CASK: variants seen among roughly 807,000 people sequenced by gnomAD.
CASK encodes the protein peripheral plasma membrane protein CASK.
A neutral mutation model predicts 82.9 loss-of-function variants in CASK; 4 were observed. The ratio of observed to expected loss-of-function variants is 0.05; its 90% confidence interval spans 0.02 to 0.11. The LOEUF is 0.11. CASK is among the 10% of genes least tolerant of loss of function. The pLI, the probability that CASK is intolerant of heterozygous loss-of-function variation, is 1.00. For synonymous variants in CASK, 259 were observed against 253.5 expected (o/e 1.02, Z -0.20); for missense variants, 358 against 720.9 (o/e 0.50, Z 5.76).
At chrX:41,598,443 C>T (rs774725353) in intron 12 of CASK, among the ~76,000 whole-genome samples, 1 of 111,417 alleles carries the variant, frequency 9.0e-6, no homozygotes, top group South Asian at 3.8e-4. Context: ...CCTCCGCCTC[C>T]TGGGTTCAAG....
At chrX:41,866,404 A>T in intron 1 of CASK, among the ~76,000 whole-genome samples, 1 of 112,275 alleles carries the variant, frequency 8.9e-6, no homozygotes, top group East Asian at 2.8e-4. Context: ...CCAGTCTAGG[A>T]GAAAATGGGA....
At chrX:41,668,849 T>G (rs1006680448) in intron 6 of CASK, among the ~76,000 whole-genome samples, 5 of 110,158 alleles carry the variant, frequency 4.5e-5, no homozygotes, top group Non-Finnish European at 7.6e-5. Flanking sequence ...CAAGCGATCC[T>G]CCCATGTAGC....
chrX:41,563,275 T>C (rs2065257575), intron 16 of CASK, among the ~76,000 whole-genome samples: 1 of 100,239 alleles, frequency 1.0e-5, no homozygotes, highest in Non-Finnish European at 2.0e-5. Context: ...GAGGATTACT[T>C]GAGCCCAGGA....
chrX:41,842,425 T>C (rs755251461), intron 2 of CASK, among the ~76,000 whole-genome samples: 3 of 109,277 alleles, frequency 2.7e-5, no homozygotes, highest in Non-Finnish European at 3.8e-5. Context: ...ACAAAAAAAA[T>C]AGCCAGGTGT....
chrX:41,517,683 A>G lies in CASK; in HGVS notation c.*2737T>C, dbSNP rs974272324. The G allele has an allele frequency of 2.1e-6, 1 of 486,773 alleles. No homozygotes were observed. Among genetic ancestry groups the G allele is most frequent in the Non-Finnish European group, 3.5e-6 (1 of 285,056 alleles). 40.1% of individuals were successfully genotyped at this position (486,773 alleles called of 1,213,427 possible). ...TGGTCTTTAAAAGAAAGAAAGAAAA[A>G]AAAAGGTTCTGCTGATGGAATGGAA... On this transcript the variant is annotated 3_prime_UTR_variant, in exon 27 of 27. Coordinates refer to ENST00000378163, the MANE Select transcript of CASK (RefSeq NM_001367721.1).
At chrX:41,605,362 C>T (rs982017529) in intron 12 of CASK, among the ~76,000 whole-genome samples, 2 of 109,204 alleles carry the variant, frequency 1.8e-5, no homozygotes, top group African/African-American at 6.7e-5. Flanking sequence ...TTTGGGAGGC[C>T]GAGGCAGGAG....
At chrX:41,859,127 A>G (rs2071426829) in intron 1 of CASK, among the ~76,000 whole-genome samples, 1 of 111,812 alleles carries the variant, frequency 8.9e-6, no homozygotes, top group Non-Finnish European at 1.9e-5. Context: ...AAACGCAATG[A>G]AATTTCTGTC....
rs10442528 is a variant in CASK, at chrX:41,547,208, A to G, written c.2040-4402T>C. On this transcript the variant is annotated intron_variant, in intron 21 of 26. Coordinates refer to ENST00000378163, the MANE Select transcript of CASK (RefSeq NM_001367721.1). ...CTCGTCCTCCCAAAGTGCTGGGATT[A>G]CAAGTGTGAGCCACTGCGCCTGGCT... 1.2e-3 allele frequency among the ~76,000 whole-genome samples: 134 copies of G among 112,421 alleles called. 1 individual carries two copies. The highest frequency in any genetic ancestry group is 4.0e-3 in the African/African-American group (125 of 30,988).
intron 14 of CASK, 133 bp from the exon 15 acceptor site, chrX:41,578,661 T>A (rs1288415327): frequency 6.3e-6 from 3 of 473,984 alleles, no homozygotes; most frequent in Non-Finnish European, 1.1e-5. Flanking sequence ...AGATCTCAGC[T>A]CACTGCAGGC....
chrX:41,802,365 G>A (rs969821188), intron 2 of CASK, among the ~76,000 whole-genome samples: 2 of 111,235 alleles, frequency 1.8e-5, no homozygotes, highest in Admixed American at 9.6e-5. Flanking sequence ...AGAGCAAAAA[G>A]ATAAAGAAAG....
At chrX:41,767,814 T>C (rs1211652664) in intron 3 of CASK, among the ~76,000 whole-genome samples, 1 of 111,395 alleles carries the variant, frequency 9.0e-6, no homozygotes, top group East Asian at 2.8e-4. Flanking sequence ...AAGGAGCGGA[T>C]GATATACGCA....
rs1291705507 is a variant in CASK, at chrX:41,516,569, G to T, written c.*3851C>A. 1 of 111,844 alleles carries T rather than the reference G, an allele frequency of 8.9e-6. No individual in the cohort carries two copies. 9.2% of individuals were successfully genotyped at this position (111,844 alleles called of 1,213,427 possible). A position where few individuals can be genotyped will look rare whatever the true frequency, so the allele number is the denominator to read the frequency against. On this transcript the variant is annotated 3_prime_UTR_variant, in exon 27 of 27. Coordinates refer to ENST00000378163, the MANE Select transcript of CASK (RefSeq NM_001367721.1). The stretch of plus-strand genomic sequence containing the variant: ...GCTCAGGGACCTTTAACTTATTACA[G>T]CCTGTAATCGCTCTCAGTATTGTAA...
At chrX:41,817,995 T>C (rs2070446717) in intron 2 of CASK, among the ~76,000 whole-genome samples, 1 of 111,058 alleles carries the variant, frequency 9.0e-6, no homozygotes, top group African/African-American at 3.3e-5. Context: ...CTTTGCACAG[T>C]GCTAGTACTG....
chrX:41,653,622 G>A (rs971069218), intron 8 of CASK, among the ~76,000 whole-genome samples: 4 of 111,886 alleles, frequency 3.6e-5, no homozygotes, highest in Non-Finnish European at 1.9e-5. Context: ...GTACCTCTAC[G>A]ACCTGTGGTT....
At chrX:41,673,530 T>A (rs943211408) in intron 5 of CASK, among the ~76,000 whole-genome samples, 6 of 111,874 alleles carry the variant, frequency 5.4e-5, no homozygotes, top group African/African-American at 2.0e-4. Flanking sequence ...AAGGAGGTGT[T>A]ATAGGGATGG....
At chrX:41,718,576 C>A (rs2068104241) in intron 5 of CASK, among the ~76,000 whole-genome samples, 1 of 112,181 alleles carries the variant, frequency 8.9e-6, no homozygotes, top group Non-Finnish European at 1.9e-5. Flanking sequence ...GGGAGAAATC[C>A]CCACACATTT....
chrX:41,898,984 A>C (rs1486708914), intron 1 of CASK, among the ~76,000 whole-genome samples: 1 of 111,528 alleles, frequency 9.0e-6, no homozygotes, highest in Admixed American at 9.5e-5. Flanking sequence ...TTCCTTATTG[A>C]TTTTCTGTGC....
intron 2 of CASK, among the ~76,000 whole-genome samples, chrX:41,850,850 C>T (rs2071249837): frequency 9.0e-6 from 1 of 111,189 alleles, no homozygotes; most frequent in African/African-American, 3.3e-5. Flanking sequence ...AAATAATTTA[C>T]TATTTATTAC....
chrX:41,822,723 T>C (rs1049241046), intron 2 of CASK, among the ~76,000 whole-genome samples: 1 of 110,290 alleles, frequency 9.1e-6, no homozygotes, highest in East Asian at 2.9e-4. Context: ...CATACTATTG[T>C]CCCTCTTACG....
Sources: allele counts gnomAD v4.1 joint callset (sites outside exome capture counted in the v4.1 genomes callset), GRCh38; gene constraint gnomAD v4.1.1; transcripts MANE v1.5; gene names NCBI Gene and HGNC (gene_info 2026-07-23, HGNC 2026-07-21).